Variants in DOCK1 observed in about 807,000 individuals in gnomAD.
The protein encoded by DOCK1 is dedicator of cytokinesis protein 1.
In DOCK1, 138 loss-of-function variants were observed where a neutral mutation model predicts 262.7. The observed-to-expected ratio is 0.53, with a 90% CI of 0.46 to 0.61. The LOEUF is 0.61. DOCK1 is among the 20% of genes least tolerant of loss of function. The pLI is 0.00. For missense variants in DOCK1, 1,908 were observed against 2,370.7 expected (o/e 0.80, Z 4.05); for synonymous variants, 866 against 867.4 (o/e 1.00, Z 0.03).
chr10:126,938,282 A>T (rs1359090029), intron 1 of DOCK1, among the ~76,000 whole-genome samples: 5 of 152,158 alleles, frequency 3.3e-5, no homozygotes, highest in African/African-American at 1.2e-4. Flanking sequence ...TCCCGACCTC[A>T]GGTGATCCGC....
chr10:127,444,539 G>A (rs1179809116), intron 50 of DOCK1, among the ~76,000 whole-genome samples: 1 of 152,150 alleles, frequency 6.6e-6, no homozygotes, highest in Non-Finnish European at 1.5e-5. Flanking sequence ...TCCATGTGGA[G>A]GGGACCTGTG....
chr10:127,330,447 G>A (rs2062926295), intron 29 of DOCK1, among the ~76,000 whole-genome samples: 1 of 152,112 alleles, frequency 6.6e-6, no homozygotes, highest in Admixed American at 6.5e-5. Flanking sequence ...TGTTGATGAG[G>A]GTGTGGAGAA....
intron 22 of DOCK1, among the ~76,000 whole-genome samples, chr10:127,054,532 G>T (rs2045001378): frequency 6.6e-6 from 1 of 152,130 alleles, no homozygotes; most frequent in Admixed American, 6.5e-5. Flanking sequence ...TTTTCTCTTT[G>T]TTAGGGTGAA....
intron 38 of DOCK1, 47 bp from the exon 39 acceptor site, chr10:127,403,008 C>G: frequency 6.5e-7 from 1 of 1,526,786 alleles, no homozygotes; most frequent in Non-Finnish European, 8.9e-7. Context: ...ACTCTTTGCA[C>G]AATTCAGGCC....
At chr10:127,024,174 G>A (rs1236314814) in intron 14 of DOCK1, among the ~76,000 whole-genome samples, 1 of 152,180 alleles carries the variant, frequency 6.6e-6, no homozygotes, top group African/African-American at 2.4e-5. Context: ...AAGGCTCAGT[G>A]TCGCCAAGAG....
In DOCK1 at chr10:127,100,456, C is replaced by T. The variant is rs1034370215; in HGVS notation, c.2446-5775C>T. Among the ~76,000 whole-genome samples, 2 of 152,146 alleles carry T rather than the reference C, an allele frequency of 1.3e-5. No individual in the cohort carries two copies. Among genetic ancestry groups the T allele is most frequent in the Non-Finnish European group, 2.9e-5 (2 of 68,028 alleles). The stretch of plus-strand genomic sequence containing the variant: ...GGGAAGGCGAGGCAGCGGTGGCTTC[C>T]ACCAAGGCAGGGGGAGTTTGCAATG... On this transcript the variant is annotated intron_variant, in intron 23 of 51. Coordinates refer to ENST00000623213, the MANE Select transcript of DOCK1 (RefSeq NM_001290223.2). The surrounding 1 kb of genome is among the most constrained non-coding windows in gnomAD (Gnocchi z 5.5).
At chr10:126,935,152 T>TA in intron 1 of DOCK1, among the ~76,000 whole-genome samples, 1 of 152,342 alleles carries the variant, frequency 6.6e-6, no homozygotes, top group South Asian at 2.1e-4. Context: ...TGTAGACTAT[T>TA]ATATCATAAC....
chr10:127,177,607 C>T (rs1003549194), intron 27 of DOCK1, among the ~76,000 whole-genome samples: 10 of 152,166 alleles, frequency 6.6e-5, no homozygotes, highest in South Asian at 2.1e-4. Flanking sequence ...GACATGGGCC[C>T]GTGAGAGCTG....
intron 26 of DOCK1, among the ~76,000 whole-genome samples, chr10:127,126,640 C>T (rs1013970782): frequency 2.0e-5 from 3 of 152,162 alleles, no homozygotes; most frequent in Admixed American, 6.5e-5. Context: ...GCCTTTCACT[C>T]CCAACATACC....
In DOCK1 at chr10:127,006,709, G is replaced by A. The variant is rs183489113; in HGVS notation, c.986-2023G>A. Among the ~76,000 whole-genome samples the A allele has an allele frequency of 5.3e-5, 8 of 152,280 alleles. No individual in the cohort carries two copies. In the East Asian group the frequency reaches 1.4e-3, roughly 26 times the overall value. ...CTGTGGGTGCTCAGGCTCTGATTGCGTTTCCCGCTTGTTTGCTGCCTTCCT... is the reference window on the plus strand; with the variant it reads ...CTGTGGGTGCTCAGGCTCTGATTGCATTTCCCGCTTGTTTGCTGCCTTCCT... On this transcript the variant is annotated intron_variant, in intron 10 of 51. Coordinates refer to ENST00000623213, the MANE Select transcript of DOCK1 (RefSeq NM_001290223.2).
intron 49 of DOCK1, among the ~76,000 whole-genome samples, chr10:127,442,715 T>G (rs968015881): frequency 2.6e-5 from 4 of 152,208 alleles, no homozygotes; most frequent in Non-Finnish European, 2.9e-5. Flanking sequence ...AGCCAATTCC[T>G]AGACTTTCAG....
intron 27 of DOCK1, among the ~76,000 whole-genome samples, chr10:127,224,157 G>T (rs189534929): frequency 6.6e-6 from 1 of 151,936 alleles, no homozygotes. Flanking sequence ...TGGAAAACCA[G>T]TTTTTTTTCA....
At position 127,342,964 on chromosome 10, in the gene DOCK1, G is replaced by T. The variant is rs142595892; in HGVS notation, c.3124-682G>T. ...ATTACATTAATAAAAGTTAACATTGGCCAGGCATGGTGGCTCACACTTGTA... is the reference window on the plus strand; with the variant it reads ...ATTACATTAATAAAAGTTAACATTGTCCAGGCATGGTGGCTCACACTTGTA... On this transcript the variant is annotated intron_variant, in intron 30 of 51. Transcript: ENST00000623213. Among the ~76,000 whole-genome samples the T allele has an allele frequency of 4.0e-3, 615 of 152,218 alleles. 1 individual carries two copies. The highest frequency in any genetic ancestry group is 6.7e-3 in the Non-Finnish European group (454 of 68,018).
chr10:127,143,665 C>A (rs1426495113), intron 27 of DOCK1, among the ~76,000 whole-genome samples: 1 of 152,168 alleles, frequency 6.6e-6, no homozygotes, highest in Non-Finnish European at 1.5e-5. Context: ...TATGTGAGTG[C>A]CATGGGCAAC....
At chr10:126,979,842 A>G (rs1287800365) in intron 3 of DOCK1, among the ~76,000 whole-genome samples, 1 of 152,152 alleles carries the variant, frequency 6.6e-6, no homozygotes, top group Non-Finnish European at 1.5e-5. Context: ...TCTGTAAACA[A>G]CTTTCCTGTA....
chr10:127,322,760 T>C (rs2720968), intron 29 of DOCK1, among the ~76,000 whole-genome samples: 232 of 152,396 alleles, frequency 1.5e-3, no homozygotes, highest in African/African-American at 5.3e-3. Flanking sequence ...TGCGCTGTTA[T>C]AATAGCAGAG....
At chr10:127,145,356 T>G (rs762986324) in intron 27 of DOCK1, among the ~76,000 whole-genome samples, 1 of 152,186 alleles carries the variant, frequency 6.6e-6, no homozygotes, top group African/African-American at 2.4e-5. Context: ...GCATATCTTA[T>G]GCCATCCCCC....
At chr10:127,082,407 A>C (rs867899809) in intron 23 of DOCK1, among the ~76,000 whole-genome samples, 3 of 152,150 alleles carry the variant, frequency 2.0e-5, no homozygotes, top group Non-Finnish European at 4.4e-5. Flanking sequence ...ATGGCTGGGG[A>C]GGCCTCACAA....
chr10:126,972,012 G>A (rs921803029), intron 2 of DOCK1, among the ~76,000 whole-genome samples: 1 of 152,004 alleles, frequency 6.6e-6, no homozygotes, highest in Admixed American at 6.6e-5. Context: ...TGCCTCCCAG[G>A]TTCAAGCGAT....
Sources: gnomAD v4.1 joint callset for allele counts (sites outside exome capture counted in the v4.1 genomes callset) on GRCh38, gnomAD v4.1.1 for gene constraint, Gnocchi (gnomAD v3.1) non-coding constraint, MANE v1.5 for transcripts, NCBI Gene and HGNC (gene_info 2026-07-23, HGNC 2026-07-21) for gene names.